Variants in ERBB4 observed in about 807,000 individuals in gnomAD.
The protein encoded by ERBB4 is erb-b2 receptor tyrosine kinase 4.
A neutral mutation model predicts 158.0 loss-of-function variants in ERBB4; 42 were observed. The observed-to-expected ratio is 0.27, with a 90% confidence interval of 0.21 to 0.34. The LOEUF is 0.34. ERBB4 is among the 10% of genes least tolerant of loss of function. The pLI is 1.00. For synonymous variants in ERBB4, 583 were observed against 558.7 expected (o/e 1.04, Z -0.61); for missense variants, 1,333 against 1,624.1 (o/e 0.82, Z 3.08).
At chr2:212,193,048 T>A (rs2105883045) in intron 1 of ERBB4, among the ~76,000 whole-genome samples, 2 of 152,210 alleles carry the variant, frequency 1.3e-5, no homozygotes, top group African/African-American at 4.8e-5. Context: ...ATGTTGGAAA[T>A]CTATTTTACC....
At chr2:211,477,313 TTC>T (rs146542040) in intron 20 of ERBB4, among the ~76,000 whole-genome samples, 2 of 144,232 alleles carry the variant, frequency 1.4e-5, no homozygotes, top group Non-Finnish European at 1.5e-5. Flanking sequence ...CTCTCTCTCT[TTC>T]TCTCTCTCTC....
chr2:212,485,926 A>G (rs1037726016), intron 1 of ERBB4, among the ~76,000 whole-genome samples: 5 of 151,924 alleles, frequency 3.3e-5, no homozygotes, highest in Admixed American at 6.6e-5. Context: ...CCACCTCTCA[A>G]AAGGCCCCAT....
chr2:212,081,955 A>T (rs1444431850), intron 2 of ERBB4, among the ~76,000 whole-genome samples: 1 of 152,108 alleles, frequency 6.6e-6, no homozygotes, highest in Admixed American at 6.6e-5. Context: ...TGCTTATGAG[A>T]CTTAACTGAT....
intron 19 of ERBB4, among the ~76,000 whole-genome samples, chr2:211,613,966 C>T (rs1194599107): frequency 1.3e-5 from 2 of 152,062 alleles, no homozygotes; most frequent in Admixed American, 6.6e-5. Flanking sequence ...GATATCTGCA[C>T]TCCTATGATT....
At chr2:211,691,474 A>C (rs1207796518) in intron 12 of ERBB4, among the ~76,000 whole-genome samples, 1 of 152,116 alleles carries the variant, frequency 6.6e-6, no homozygotes, top group Non-Finnish European at 1.5e-5. Flanking sequence ...ATATAACTGA[A>C]ACATGAAATA....
At chr2:211,418,217 T>G (rs2063436541) in intron 25 of ERBB4, among the ~76,000 whole-genome samples, 2 of 151,818 alleles carry the variant, frequency 1.3e-5, no homozygotes, top group Admixed American at 6.6e-5. Flanking sequence ...GTTTTCTAAT[T>G]TAGCCAAACT....
At chr2:211,780,087 C>T (rs1037464777) in intron 4 of ERBB4, among the ~76,000 whole-genome samples, 8 of 152,066 alleles carry the variant, frequency 5.3e-5, no homozygotes, top group African/African-American at 9.7e-5. Context: ...GAAGGCTGGG[C>T]GCAGTGGCTC....
chr2:212,182,657 C>A (rs967102409), intron 1 of ERBB4, among the ~76,000 whole-genome samples: 5 of 151,822 alleles, frequency 3.3e-5, no homozygotes, highest in African/African-American at 1.2e-4. Flanking sequence ...TTCTTCCCAC[C>A]CGACTCCACC....
At chr2:212,259,845 G>A (rs2084869435) in intron 1 of ERBB4, among the ~76,000 whole-genome samples, 2 of 152,034 alleles carry the variant, frequency 1.3e-5, no homozygotes, top group African/African-American at 2.4e-5. Context: ...CAAGGCAGGT[G>A]GATCACCTGA....
At chr2:212,047,763 C>T (rs1466687465) in intron 2 of ERBB4, among the ~76,000 whole-genome samples, 1 of 151,882 alleles carries the variant, frequency 6.6e-6, no homozygotes, top group Non-Finnish European at 1.5e-5. Flanking sequence ...GGATTAGAGG[C>T]ATGAGCCACC....
chr2:211,565,829 G>T (rs1414162640), intron 19 of ERBB4, among the ~76,000 whole-genome samples: 1 of 152,194 alleles, frequency 6.6e-6, no homozygotes, highest in African/African-American at 2.4e-5. Context: ...AACAAAAGAA[G>T]TAAGCTGGTA....
intron 3 of ERBB4, among the ~76,000 whole-genome samples, chr2:211,795,510 G>A (rs2076365025): frequency 6.6e-6 from 1 of 151,816 alleles, no homozygotes; most frequent in Non-Finnish European, 1.5e-5. Context: ...GTAGTTTAAA[G>A]AGTATAGACA....
intron 4 of ERBB4, among the ~76,000 whole-genome samples, chr2:211,779,975 C>T (rs764336158): frequency 2.4e-4 from 37 of 152,296 alleles, no homozygotes; most frequent in Admixed American, 1.6e-3. Context: ...GAAGTACTCA[C>T]TTTCCATGAC....
At chr2:211,448,599 A>C (rs988201233) in intron 20 of ERBB4, among the ~76,000 whole-genome samples, 4 of 152,178 alleles carry the variant, frequency 2.6e-5, no homozygotes, top group Admixed American at 2.0e-4. Flanking sequence ...AGGAATTAGC[A>C]ATGTTTGTTG....
intron 2 of ERBB4, among the ~76,000 whole-genome samples, chr2:211,995,108 C>A (rs1165434407): frequency 6.6e-6 from 1 of 152,178 alleles, no homozygotes; most frequent in African/African-American, 2.4e-5. Context: ...TTAGACACAT[C>A]TGCCAAGAGG....
At chr2:211,490,775 T>A (rs12053361) in intron 20 of ERBB4, among the ~76,000 whole-genome samples, 1 of 151,830 alleles carries the variant, frequency 6.6e-6, no homozygotes. Context: ...CAGCTTTGCA[T>A]CCTAATTGGC....
chr2:212,056,256 C>T (rs1413957662), intron 2 of ERBB4, among the ~76,000 whole-genome samples: 1 of 152,160 alleles, frequency 6.6e-6, no homozygotes, highest in Non-Finnish European at 1.5e-5. Context: ...TGAACAAAGC[C>T]TCCAAGAAAT....
intron 2 of ERBB4, among the ~76,000 whole-genome samples, chr2:212,113,934 G>A (rs548350929): frequency 1.3e-5 from 2 of 152,146 alleles, no homozygotes; most frequent in Non-Finnish European, 2.9e-5. Context: ...AGTAATTCCT[G>A]TGCATTTTTT....
intron 2 of ERBB4, among the ~76,000 whole-genome samples, chr2:211,957,761 G>T (rs957497435): frequency 1.3e-5 from 2 of 152,086 alleles, no homozygotes; most frequent in African/African-American, 4.8e-5. Context: ...ATATAAAACT[G>T]TATTTTTCTA....
Sources: allele counts gnomAD v4.1 joint callset (sites outside exome capture counted in the v4.1 genomes callset), GRCh38; gene constraint gnomAD v4.1.1; transcripts MANE v1.5; gene names NCBI Gene and HGNC (gene_info 2026-07-23, HGNC 2026-07-21).